Variants in GALNT2 observed in about 807,000 individuals in gnomAD.
The protein encoded by GALNT2 is UDP-GalNAc:polypeptide N-acetylgalactosaminyltransferase 2.
In GALNT2, 31 loss-of-function variants were observed where a neutral mutation model predicts 81.4. The ratio of observed to expected loss-of-function variants is 0.38; its 90% CI spans 0.29 to 0.51. The LOEUF (loss-of-function observed/expected upper bound fraction) is 0.51. Ranked by LOEUF, GALNT2 falls within the 20% of genes least tolerant of loss-of-function variation. GALNT2 has a pLI of 0.87. For missense variants in GALNT2, 629 were observed against 765.7 expected (o/e 0.82, Z 2.11); for synonymous variants, 303 against 287.4 (o/e 1.05, Z -0.55).
intron 2 of GALNT2, among the ~76,000 whole-genome samples, chr1:230,192,905 C>G (rs1199824159): frequency 2.6e-5 from 4 of 152,150 alleles, no homozygotes; most frequent in Non-Finnish European, 4.4e-5. Context: ...AATAATAAAA[C>G]ATAATTTATG....
In GALNT2 at chr1:230,243,529, G is replaced by A. The variant is rs773962224; in HGVS notation, c.729+102G>A. 1.4e-4 allele frequency: 199 copies of A among 1,429,040 alleles called. No homozygotes were observed. Among genetic ancestry groups the A allele is most frequent in the Admixed American group, 4.7e-4 (19 of 40,452 alleles). 88.5% of individuals were successfully genotyped at this position (1,429,040 alleles called of 1,614,324 possible). On this transcript the variant is annotated intron_variant, in intron 7 of 15. Transcript: ENST00000366672. This position sits in a 1 kb window ranked among gnomAD's most constrained non-coding sequence, Gnocchi z 4.2. Reference sequence around the variant, plus strand: ...GGAGGTGTAACGCAGGGAGTAGGGCGTCAGGGCTGGTAGGGGCTGAGCTCG... The same window carrying A: ...GGAGGTGTAACGCAGGGAGTAGGGCATCAGGGCTGGTAGGGGCTGAGCTCG...
intron 2 of GALNT2, among the ~76,000 whole-genome samples, chr1:230,194,723 C>T (rs1472148456): frequency 6.6e-6 from 1 of 152,218 alleles, no homozygotes; most frequent in Non-Finnish European, 1.5e-5. Context: ...CCTCTGGGAA[C>T]AGTGTCAGAA....
intron 1 of GALNT2, among the ~76,000 whole-genome samples, chr1:230,147,760 T>A (rs1226660544): frequency 1.3e-5 from 2 of 152,198 alleles, no homozygotes; most frequent in East Asian, 3.9e-4. Flanking sequence ...CCTCTTCCCG[T>A]TGAAGGAGAG....
At chr1:230,077,069 A>C (rs960247367) in intron 1 of GALNT2, among the ~76,000 whole-genome samples, 1 of 152,200 alleles carries the variant, frequency 6.6e-6, no homozygotes, top group African/African-American at 2.4e-5. Flanking sequence ...CCATGAATTA[A>C]GTACTCTGTT....
intron 1 of GALNT2, among the ~76,000 whole-genome samples, chr1:230,089,247 A>G (rs1659988524): frequency 6.6e-6 from 1 of 151,598 alleles, no homozygotes; most frequent in Non-Finnish European, 1.5e-5. Context: ...CCCGGGTTCA[A>G]GCGATTCTTC....
chr1:230,091,434 T>A (rs950885156), intron 1 of GALNT2, among the ~76,000 whole-genome samples: 4 of 152,176 alleles, frequency 2.6e-5, no homozygotes, highest in Admixed American at 6.5e-5. Flanking sequence ...CCTTTTCTAT[T>A]GGCCTATTTC....
intron 1 of GALNT2, among the ~76,000 whole-genome samples, chr1:230,109,139 C>T (rs1660627830): frequency 6.6e-6 from 1 of 152,250 alleles, no homozygotes. Flanking sequence ...CCAGTAGCCT[C>T]CCCTGGGCGT....
intron 1 of GALNT2, among the ~76,000 whole-genome samples, chr1:230,060,608 T>C (rs1206406116): frequency 6.6e-6 from 1 of 152,184 alleles, no homozygotes; most frequent in Non-Finnish European, 1.5e-5. Flanking sequence ...GAAGACCTTG[T>C]AAATCTCCTC....
chr1:230,151,266 G>A (rs2102835584), intron 1 of GALNT2, among the ~76,000 whole-genome samples: 1 of 152,310 alleles, frequency 6.6e-6, no homozygotes. Flanking sequence ...AAGTGTCCCA[G>A]TAGAACGCAC....
At chr1:230,097,168 C>T (rs575186372) in intron 1 of GALNT2, among the ~76,000 whole-genome samples, 1 of 152,288 alleles carries the variant, frequency 6.6e-6, no homozygotes, top group East Asian at 1.9e-4. Flanking sequence ...AAACACTGAG[C>T]GGTTTGCTCA....
chr1:230,265,888 G>T (rs4846849), intron 14 of GALNT2, among the ~76,000 whole-genome samples: 86,579 of 152,166 alleles, frequency 0.57, 27,324 homozygotes, highest in East Asian at 0.9. Context: ...CACCTTTTCT[G>T]AGAGGCATAA....
At chr1:230,188,306 A>G (rs1310075242) in intron 2 of GALNT2, among the ~76,000 whole-genome samples, 1 of 152,186 alleles carries the variant, frequency 6.6e-6, no homozygotes, top group Admixed American at 6.5e-5. Flanking sequence ...ACTTTGGGGA[A>G]GAATCTGGAA....
At chr1:230,189,551 G>A (rs546577057) in intron 2 of GALNT2, among the ~76,000 whole-genome samples, 1 of 152,294 alleles carries the variant, frequency 6.6e-6, no homozygotes, top group Non-Finnish European at 1.5e-5. Context: ...TATTTGTTCA[G>A]CATTGCTGCA....
At chr1:230,204,321 A>C (rs1663997612) in intron 3 of GALNT2, among the ~76,000 whole-genome samples, 1 of 151,806 alleles carries the variant, frequency 6.6e-6, no homozygotes, top group Non-Finnish European at 1.5e-5. Flanking sequence ...GCTGCCTGCC[A>C]CCACACCTGA....
At chr1:230,115,272 G>A (rs1344261602) in intron 1 of GALNT2, among the ~76,000 whole-genome samples, 1 of 152,102 alleles carries the variant, frequency 6.6e-6, no homozygotes, top group Non-Finnish European at 1.5e-5. Context: ...CCAGAGTGCT[G>A]GGATTACAGG....
At chr1:230,198,252 G>C (rs1375933540) in intron 2 of GALNT2, among the ~76,000 whole-genome samples, 2 of 152,230 alleles carry the variant, frequency 1.3e-5, no homozygotes, top group Non-Finnish European at 2.9e-5. Flanking sequence ...TCTGTGAGGT[G>C]AGGAGCTCCA....
intron 11 of GALNT2, 173 bp from the exon 12 acceptor site, chr1:230,262,400 A>T (rs1192358165): frequency 1.5e-5 from 9 of 594,294 alleles, no homozygotes; most frequent in Non-Finnish European, 2.7e-5. Flanking sequence ...CCACAGGTCC[A>T]GCTCGAGGTG....
intron 1 of GALNT2, among the ~76,000 whole-genome samples, chr1:230,101,768 C>T (rs1660409548): frequency 6.6e-6 from 1 of 152,200 alleles, no homozygotes; most frequent in Non-Finnish European, 1.5e-5. Flanking sequence ...CTTGTTCCTC[C>T]TGAGAATTGC....
intron 1 of GALNT2, among the ~76,000 whole-genome samples, chr1:230,121,851 G>T (rs1206835831): frequency 6.6e-6 from 1 of 152,092 alleles, no homozygotes; most frequent in Non-Finnish European, 1.5e-5. Context: ...TAGAAGAGGG[G>T]AGGAGGGATT....
Sources: allele counts gnomAD v4.1 joint callset (sites outside exome capture counted in the v4.1 genomes callset), GRCh38; gene constraint gnomAD v4.1.1; non-coding constraint Gnocchi (gnomAD v3.1); transcripts MANE v1.5; gene names NCBI Gene and HGNC (gene_info 2026-07-23, HGNC 2026-07-21).